LCORL: variants seen among roughly 807,000 people sequenced by gnomAD.
LCORL encodes ligand-dependent nuclear receptor corepressor-like protein.
Under a neutral mutation model 141.8 loss-of-function variants are expected in LCORL, and 41 were observed. That is an observed-to-expected ratio of 0.29 (90% CI 0.23 to 0.38). The LOEUF (loss-of-function observed/expected upper bound fraction) is 0.38, where lower values mean the gene tolerates loss of function less well. LCORL is among the 10% of genes least tolerant of loss of function. LCORL has a pLI of 1.00. For missense variants in LCORL, 1,759 were observed against 2,035.0 expected (o/e 0.86, Z 2.61); for synonymous variants, 618 against 694.1 (o/e 0.89, Z 1.72).
chr4:18,014,127 C>T (rs751083840), intron 1 of LCORL, among the ~76,000 whole-genome samples: 4 of 151,654 alleles, frequency 2.6e-5, no homozygotes, highest in Admixed American at 6.6e-5. Flanking sequence ...ATTTTAAAGG[C>T]GACTGAGGAT....
intron 1 of LCORL, among the ~76,000 whole-genome samples, chr4:18,019,719 TAA>T (rs1396423203): frequency 6.6e-6 from 1 of 151,778 alleles, no homozygotes; most frequent in Non-Finnish European, 1.5e-5. Context: ...TTCCAAAACA[TAA>T]AAAGACATCC....
intron 4 of LCORL, among the ~76,000 whole-genome samples, chr4:17,946,763 G>A (rs1738948634): frequency 1.3e-5 from 2 of 151,874 alleles, no homozygotes; most frequent in African/African-American, 4.8e-5. Context: ...ATACATCATT[G>A]TGTATTAGGA....
chr4:17,903,410 A>G (rs1458918867), intron 5 of LCORL, among the ~76,000 whole-genome samples: 1 of 152,072 alleles, frequency 6.6e-6, no homozygotes, highest in Non-Finnish European at 1.5e-5. Context: ...TTGTTACAGT[A>G]ATGATAAAGG....
intron 7 of LCORL, among the ~76,000 whole-genome samples, chr4:17,850,692 A>G (rs1723558215): frequency 6.6e-6 from 1 of 151,020 alleles, no homozygotes; most frequent in African/African-American, 2.4e-5. Flanking sequence ...ACTGTAAACT[A>G]GTTCAACCAT....
chr4:17,986,842 T>C (rs1050908636), intron 1 of LCORL, among the ~76,000 whole-genome samples: 1 of 152,204 alleles, frequency 6.6e-6, no homozygotes, highest in Non-Finnish European at 1.5e-5. Context: ...TTATGTATTC[T>C]GGGTAACAAT....
intron 1 of LCORL, among the ~76,000 whole-genome samples, chr4:18,004,451 C>T (rs911867381): frequency 2.0e-5 from 3 of 152,116 alleles, no homozygotes; most frequent in Non-Finnish European, 4.4e-5. Flanking sequence ...AGGGAAACAT[C>T]CCTTTTTTAA....
At chr4:18,012,577 A>C (rs923961011) in intron 1 of LCORL, among the ~76,000 whole-genome samples, 5 of 152,242 alleles carry the variant, frequency 3.3e-5, no homozygotes, top group African/African-American at 9.6e-5. Flanking sequence ...GACTGACAAC[A>C]GTAAATTAAT....
At chr4:17,934,026 A>G (rs1161522228) in intron 4 of LCORL, among the ~76,000 whole-genome samples, 1 of 152,046 alleles carries the variant, frequency 6.6e-6, no homozygotes, top group Non-Finnish European at 1.5e-5. Context: ...CTCTGGTCCT[A>G]TGATTTTAAG....
intron 5 of LCORL, among the ~76,000 whole-genome samples, chr4:17,892,080 T>C (rs1229143424): frequency 2.6e-5 from 4 of 152,188 alleles, no homozygotes; most frequent in East Asian, 1.9e-4. Context: ...ATTGTTTTGA[T>C]TGTTACTGTT....
At chr4:17,999,013 T>TATATATAC (rs1721455056) in intron 1 of LCORL, among the ~76,000 whole-genome samples, 2 of 38,862 alleles carry the variant, frequency 5.1e-5, no homozygotes, top group African/African-American at 1.1e-4. Flanking sequence ...TACACACATA[T>TATATATAC]ATATATATAT....
exon 7 of LCORL, chr4:17,876,966 G>A: frequency 8.1e-7 from 1 of 1,230,650 alleles, no homozygotes; most frequent in Non-Finnish European, 1.0e-6. Flanking sequence ...ATTTTGTAAA[G>A]AAGGCCCTTG....
intron 1 of LCORL, among the ~76,000 whole-genome samples, chr4:17,979,456 T>C (rs1717596624): frequency 6.6e-6 from 1 of 152,246 alleles, no homozygotes; most frequent in Non-Finnish European, 1.5e-5. Flanking sequence ...AGCTTTATTC[T>C]GTTATTTTTG....
At chr4:17,979,397 C>T (rs1408479642) in intron 1 of LCORL, among the ~76,000 whole-genome samples, 2 of 152,192 alleles carry the variant, frequency 1.3e-5, no homozygotes, top group African/African-American at 4.8e-5. Context: ...TCCTCATGCA[C>T]AGAGGTGGAC....
At chr4:17,993,649 T>C (rs1355681361) in intron 1 of LCORL, among the ~76,000 whole-genome samples, 1 of 152,144 alleles carries the variant, frequency 6.6e-6, no homozygotes, top group African/African-American at 2.4e-5. Flanking sequence ...TGCCAAGGAA[T>C]TAATTTTTAT....
intron 4 of LCORL, among the ~76,000 whole-genome samples, chr4:17,932,990 T>C (rs1736289445): frequency 6.6e-6 from 1 of 152,202 alleles, no homozygotes; most frequent in Non-Finnish European, 1.5e-5. Context: ...TTTAACTTCT[T>C]TGAAAATGTT....
intron 4 of LCORL, among the ~76,000 whole-genome samples, chr4:17,952,903 C>T (rs1452203170): frequency 1.3e-5 from 2 of 152,124 alleles, no homozygotes; most frequent in Non-Finnish European, 2.9e-5. Flanking sequence ...CCTCCTCCCT[C>T]AAGTAGGCCC....
At chr4:18,014,221 T>C (rs1304498691) in intron 1 of LCORL, among the ~76,000 whole-genome samples, 1 of 151,602 alleles carries the variant, frequency 6.6e-6, no homozygotes, top group African/African-American at 2.4e-5. Flanking sequence ...AAAGGTTGAG[T>C]TGTCTAAAGA....
Position 17,988,152 on chromosome 4 carries a change from G to A in LCORL, c.155-15267C>T, listed in dbSNP as rs1719330924. Among the ~76,000 whole-genome samples, 4 of 152,272 alleles carry A rather than the reference G, an allele frequency of 2.6e-5. No homozygotes were observed. The South Asian group carries it at 8.3e-4, about 32-fold the overall frequency. On this transcript the variant is annotated intron_variant, in intron 1 of 7. Coordinates refer to ENST00000635767, the Ensembl canonical transcript of LCORL. ...CCTCTCTCTGCCTGTTGCCATCCACGTAAGATGTGACTTGCTCCTCCTTGC... is the reference window on the plus strand; with the variant it reads ...CCTCTCTCTGCCTGTTGCCATCCACATAAGATGTGACTTGCTCCTCCTTGC...
At chr4:18,014,468 C>A (rs1724299856) in intron 1 of LCORL, among the ~76,000 whole-genome samples, 1 of 151,868 alleles carries the variant, frequency 6.6e-6, no homozygotes, top group Non-Finnish European at 1.5e-5. Context: ...TGGATCTGTC[C>A]TAATGCTTAC....
Sources: allele counts gnomAD v4.1 joint callset (sites outside exome capture counted in the v4.1 genomes callset), GRCh38; gene constraint gnomAD v4.1.1; transcripts MANE v1.5; gene names NCBI Gene and HGNC (gene_info 2026-07-23, HGNC 2026-07-21).